Variants in ZNF385D observed in about 807,000 individuals in gnomAD.
ZNF385D encodes zinc finger protein 385D.
ZNF385D carries 15 observed loss-of-function variants against 35.8 expected under a neutral mutation model. The ratio of observed to expected loss-of-function variants is 0.42; its 90% CI spans 0.28 to 0.64. The LOEUF is 0.64. Ranked by LOEUF, ZNF385D falls within the 30% of genes least tolerant of loss-of-function variation. The probability of loss-of-function intolerance (pLI) is 0.23; values close to 1 mark genes in which losing one functional copy is unlikely to be tolerated. For missense variants in ZNF385D, 474 were observed against 494.6 expected (o/e 0.96, Z 0.39); for synonymous variants, 212 against 186.8 (o/e 1.13, Z -1.10).
At position 22,169,405 on chromosome 3, in the gene ZNF385D, T is replaced by C. The variant is rs76847922; in HGVS notation, c.107-370A>G. Among the ~76,000 whole-genome samples the C allele has an allele frequency of 7.0e-3, 1,068 of 152,340 alleles. 11 individuals carry two copies. The highest frequency in any genetic ancestry group is 0.024 in the African/African-American group (992 of 41,578). On this transcript the variant is annotated intron_variant, in intron 2 of 5. Transcript: ENST00000494108. ...CAGCTAACAAGTGGTATAGCTGTGA[T>C]AAGCATTCAGTTTATCTCTAAATCC...
chr3:21,939,953 TC>T (rs1701436463), intron 3 of ZNF385D, among the ~76,000 whole-genome samples: 1 of 152,144 alleles, frequency 6.6e-6, no homozygotes, highest in African/African-American at 2.4e-5. Context: ...TATTAAGTTG[TC>T]CCAGGGAAAG....
chr3:21,634,224 GAA>G lies in ZNF385D; in HGVS notation c.165+30660_165+30661del, dbSNP rs1489744127. ...AAAAATAGAAAGAAAGAGAGAAAGAGAAAGAGAGGAAGGGAGAGCAGAAGGGA... is the reference window on the plus strand; with the variant it reads ...AAAAATAGAAAGAAAGAGAGAAAGAGAGAGAGGAAGGGAGAGCAGAAGGGA... On this transcript the variant is annotated intron_variant, in intron 2 of 7. Transcript: ENST00000281523. Among the ~76,000 whole-genome samples, 4 of 149,460 alleles carry G rather than the reference GAA, an allele frequency of 2.7e-5. No homozygotes were observed. In the East Asian group the frequency reaches 6.0e-4, roughly 22 times the overall value.
intron 2 of ZNF385D, among the ~76,000 whole-genome samples, chr3:22,226,376 C>G (rs571324365): frequency 6.6e-6 from 1 of 152,210 alleles, no homozygotes; most frequent in East Asian, 1.9e-4. Flanking sequence ...TTTCAGAAAG[C>G]TACCCAGCAC....
rs140036273 is a variant in ZNF385D, at chr3:21,868,150, T to A, written c.326-203122A>T. On this transcript the variant is annotated intron_variant, in intron 3 of 5. Coordinates refer to the ZNF385D transcript ENST00000494108. ...TGAGCAGCAGTTGGCAAACATTTTC[T>A]GTAGAGTCAGAGAGTATTTTAAGCT... 5.8e-3 allele frequency among the ~76,000 whole-genome samples: 880 copies of A among 152,260 alleles called. 9 individuals carry two copies. The highest frequency in any genetic ancestry group is 0.02 in the African/African-American group (842 of 41,554).
intron 3 of ZNF385D, among the ~76,000 whole-genome samples, chr3:21,959,835 T>C (rs1337497831): frequency 6.6e-6 from 1 of 152,156 alleles, no homozygotes; most frequent in Non-Finnish European, 1.5e-5. Context: ...GCTTTCTTTG[T>C]CTAACTCAGT....
intron 3 of ZNF385D, among the ~76,000 whole-genome samples, chr3:21,980,181 T>C (rs1468686219): frequency 6.6e-6 from 1 of 152,148 alleles, no homozygotes; most frequent in Admixed American, 6.5e-5. Context: ...CAACCAACAG[T>C]AACTTTCTTG....
At chr3:21,752,020 C>CA (rs1355268383), upstream of ZNF385D, among the ~76,000 whole-genome samples, 1 of 127,696 alleles carries the variant, frequency 7.8e-6, no homozygotes, top group Admixed American at 8.1e-5. Flanking sequence ...CCCCTCCCCC[C>CA]CCCACCACAC....
At chr3:22,280,208 C>T (rs1019420856) in intron 2 of ZNF385D, among the ~76,000 whole-genome samples, 5 of 152,044 alleles carry the variant, frequency 3.3e-5, no homozygotes, top group Non-Finnish European at 2.9e-5. Flanking sequence ...TGAAGATTTT[C>T]TCCCACTCTA....
intron 3 of ZNF385D, among the ~76,000 whole-genome samples, chr3:21,783,368 G>A (rs1316796167): frequency 1.3e-5 from 2 of 152,108 alleles, no homozygotes; most frequent in Non-Finnish European, 2.9e-5. Flanking sequence ...AGGGAAAAAG[G>A]AGAGCCAGAG....
intron 3 of ZNF385D, among the ~76,000 whole-genome samples, chr3:21,534,193 C>T (rs1489886503): frequency 6.6e-6 from 1 of 151,876 alleles, no homozygotes; most frequent in East Asian, 1.9e-4. Context: ...TTAGCCTAAT[C>T]CAAGTCCTTT....
intron 2 of ZNF385D, among the ~76,000 whole-genome samples, chr3:21,657,347 T>G (rs1156607769): frequency 6.6e-6 from 1 of 151,986 alleles, no homozygotes; most frequent in Non-Finnish European, 1.5e-5. Context: ...CTTTGGTTTC[T>G]AAGTCTGAAT....
chr3:22,031,755 C>T (rs1029715801), intron 3 of ZNF385D, among the ~76,000 whole-genome samples: 5 of 152,218 alleles, frequency 3.3e-5, no homozygotes, highest in African/African-American at 1.2e-4. Context: ...GCTTCAATTT[C>T]AACCCAGAAA....
intron 3 of ZNF385D, among the ~76,000 whole-genome samples, chr3:22,086,951 G>C (rs923914009): frequency 1.3e-5 from 2 of 152,096 alleles, no homozygotes; most frequent in African/African-American, 4.8e-5. Context: ...GGGGAGAGGG[G>C]AGGGATAGCA....
Position 22,172,392 on chromosome 3 carries a change from A to T in ZNF385D, c.107-3357T>A, listed in dbSNP as rs182567529. Among the ~76,000 whole-genome samples the T allele has an allele frequency of 2.0e-5, 3 of 152,346 alleles. No individual in the cohort carries two copies. In the East Asian group the frequency reaches 5.8e-4, roughly 29 times the overall value. The stretch of plus-strand genomic sequence containing the variant: ...TGACTCATTTTTAGTAAGCTATATT[A>T]AAAAATGTATGTGAGTTAATTTGAG... On this transcript the variant is annotated intron_variant, in intron 2 of 5. Transcript: ENST00000494108.
At chr3:21,813,519 A>T (rs1240990049) in intron 3 of ZNF385D, among the ~76,000 whole-genome samples, 1 of 152,222 alleles carries the variant, frequency 6.6e-6, no homozygotes, top group Non-Finnish European at 1.5e-5. Flanking sequence ...GACCTGATGG[A>T]GCTGAAAACC....
At chr3:22,136,916 T>A (rs2125696141) in intron 3 of ZNF385D, among the ~76,000 whole-genome samples, 1 of 152,186 alleles carries the variant, frequency 6.6e-6, no homozygotes, top group African/African-American at 2.4e-5. Flanking sequence ...GATGAAGGAT[T>A]CTAGAGAAGG....
intron 3 of ZNF385D, among the ~76,000 whole-genome samples, chr3:21,901,358 C>T (rs2125898531): frequency 6.6e-6 from 1 of 152,204 alleles, no homozygotes; most frequent in Non-Finnish European, 1.5e-5. Flanking sequence ...TGCTTTATCT[C>T]CAAAGTTTGG....
intron 2 of ZNF385D, among the ~76,000 whole-genome samples, chr3:21,570,564 G>A (rs1339607920): frequency 6.6e-6 from 1 of 152,140 alleles, no homozygotes; most frequent in Non-Finnish European, 1.5e-5. Flanking sequence ...AAATAAAAAG[G>A]TTGTCTTTTT....
intron 2 of ZNF385D, among the ~76,000 whole-genome samples, chr3:22,260,275 G>T (rs886697427): frequency 6.6e-6 from 1 of 151,970 alleles, no homozygotes; most frequent in African/African-American, 2.4e-5. Flanking sequence ...ACTCATAAGT[G>T]GGAGTTGAAC....
Sources: gnomAD v4.1 joint callset for allele counts (sites outside exome capture counted in the v4.1 genomes callset) on GRCh38, gnomAD v4.1.1 for gene constraint, MANE v1.5 for transcripts, NCBI Gene and HGNC (gene_info 2026-07-23, HGNC 2026-07-21) for gene names.